The following NCOA2 variants were observed in gnomAD, a reference collection of about 807,000 sequenced individuals.
NCOA2 encodes nuclear receptor coactivator 2.
Under a neutral mutation model 145.1 loss-of-function variants are expected in NCOA2, and 21 were observed. The observed-to-expected ratio is 0.14, with a 90% CI of 0.10 to 0.21. The LOEUF is 0.21. Ranked by LOEUF, NCOA2 falls within the 10% of genes least tolerant of loss-of-function variation. The pLI is 1.00. For missense variants in NCOA2, 1,472 were observed against 1,837.6 expected (o/e 0.80, Z 3.64); for synonymous variants, 619 against 637.5 (o/e 0.97, Z 0.44).
At chr8:70,381,475 G>A (rs868797480) in intron 1 of NCOA2, among the ~76,000 whole-genome samples, 17 of 152,226 alleles carry the variant, frequency 1.1e-4, no homozygotes, top group African/African-American at 3.9e-4. Context: ...AGGACTCTGT[G>A]ATAAAAGTTA....
chr8:70,216,749 G>A lies in NCOA2; in HGVS notation c.-4C>T. On this transcript the variant is annotated 5_prime_UTR_variant, in exon 3 of 23. Transcript: ENST00000452400. ...TATTTTCTCCCATCCCACTCATCTT[G>A]AACACATATCAGCAACTAAAACAGA... 6.2e-7 allele frequency: 1 copy of A among 1,604,586 alleles called. No homozygotes were observed. Among genetic ancestry groups the A allele is most frequent in the African/African-American group, 1.3e-5 (1 of 74,712 alleles).
intron 1 of NCOA2, among the ~76,000 whole-genome samples, chr8:70,305,926 T>C (rs891486572): frequency 6.6e-6 from 1 of 152,178 alleles, no homozygotes; most frequent in South Asian, 2.1e-4. Flanking sequence ...CACATTTTAA[T>C]CAACTTTCTG....
chr8:70,385,337 A>C (rs1203477522), intron 1 of NCOA2, among the ~76,000 whole-genome samples: 1 of 152,248 alleles, frequency 6.6e-6, no homozygotes, highest in Non-Finnish European at 1.5e-5. Context: ...ACACTTGTTT[A>C]AGTGATGGAG....
intron 1 of NCOA2, among the ~76,000 whole-genome samples, chr8:70,375,231 C>T (rs1185084519): frequency 6.6e-6 from 1 of 152,134 alleles, no homozygotes; most frequent in Non-Finnish European, 1.5e-5. Context: ...AAATAAAGTA[C>T]TTGTGCATAT....
chr8:70,413,589 T>A, the NCOA2 span, among the ~76,000 whole-genome samples: 1 of 152,214 alleles, frequency 6.6e-6, no homozygotes, highest in Non-Finnish European at 1.5e-5. Context: ...AAAAGAACCA[T>A]CTTCAGAAGA....
chr8:70,137,300 C>T (rs540259767), intron 15 of NCOA2, among the ~76,000 whole-genome samples: 50 of 152,318 alleles, frequency 3.3e-4, no homozygotes, highest in Admixed American at 9.1e-4. Flanking sequence ...GCCTCAACCT[C>T]CCAAAGTGCT....
At chr8:70,435,424 CAAA>C in the NCOA2 span, among the ~76,000 whole-genome samples, 2 of 20,154 alleles carry the variant, frequency 9.9e-5, no homozygotes, top group South Asian at 3.1e-3. Flanking sequence ...GACTCCGTCT[CAAA>C]AAAAAAAAAA....
chr8:70,160,989 G>C (rs1812933606), intron 9 of NCOA2, among the ~76,000 whole-genome samples: 1 of 152,174 alleles, frequency 6.6e-6, no homozygotes. Flanking sequence ...GACCTTGGCT[G>C]TGATCCCTAA....
intron 1 of NCOA2, among the ~76,000 whole-genome samples, chr8:70,383,606 A>G (rs896766896): frequency 6.6e-6 from 1 of 152,058 alleles, no homozygotes; most frequent in Non-Finnish European, 1.5e-5. Context: ...CCTGGGTTCA[A>G]GCGATTCTCC....
chr8:70,173,037 T>C (rs1046796180), intron 5 of NCOA2, among the ~76,000 whole-genome samples: 6 of 152,196 alleles, frequency 3.9e-5, no homozygotes, highest in African/African-American at 9.7e-5. Flanking sequence ...AAAATTTAAA[T>C]TCAAACCATA....
intron 5 of NCOA2, among the ~76,000 whole-genome samples, chr8:70,173,448 C>T (rs1416442431): frequency 1.3e-5 from 2 of 151,968 alleles, no homozygotes; most frequent in African/African-American, 2.4e-5. Context: ...GGAAATTATC[C>T]AGTTTCTTTC....
chr8:70,257,258 T>C (rs1456020804), intron 2 of NCOA2, among the ~76,000 whole-genome samples: 3 of 152,194 alleles, frequency 2.0e-5, no homozygotes, highest in South Asian at 4.1e-4. Context: ...ACAAAGATGA[T>C]TCAGTTCCAT....
At chr8:70,366,495 C>CT (rs1464993994) in intron 1 of NCOA2, among the ~76,000 whole-genome samples, 2 of 151,134 alleles carry the variant, frequency 1.3e-5, no homozygotes, top group African/African-American at 4.9e-5. Context: ...TACTCAGGGG[C>CT]TTTCGGGGGG....
chr8:70,218,602 C>G (rs1031174552), intron 2 of NCOA2, among the ~76,000 whole-genome samples: 1 of 152,120 alleles, frequency 6.6e-6, no homozygotes, highest in Admixed American at 6.5e-5. Context: ...CAACAAAACC[C>G]TAAATTCCAG....
At chr8:70,131,718 A>T in intron 16 of NCOA2, 119 bp downstream of exon 16, 2 of 1,088,330 alleles carry the variant, frequency 1.8e-6, no homozygotes, top group South Asian at 1.7e-5. Context: ...GTTTTGAGGT[A>T]AAAAAAACAA....
chr8:70,369,861 A>ATAGTGCCTCAT, intron 1 of NCOA2, among the ~76,000 whole-genome samples: 1 of 152,116 alleles, frequency 6.6e-6, no homozygotes, highest in African/African-American at 2.4e-5. Context: ...TAAAGGCAGA[A>ATAGTGCCTCAT]TAGTGCCTCA....
the NCOA2 span, among the ~76,000 whole-genome samples, chr8:70,431,504 T>C: frequency 6.6e-6 from 1 of 152,354 alleles, no homozygotes; most frequent in East Asian, 1.9e-4. Flanking sequence ...CTTTTGCTTT[T>C]TGTAGCTCTT....
chr8:70,292,723 A>T (rs1826789434), intron 2 of NCOA2, among the ~76,000 whole-genome samples: 1 of 152,236 alleles, frequency 6.6e-6, no homozygotes, highest in Non-Finnish European at 1.5e-5. Context: ...GCCTAAGGGT[A>T]AAAGGAAGTC....
chr8:70,344,135 G>A (rs17756371), intron 1 of NCOA2, among the ~76,000 whole-genome samples: 2,008 of 152,316 alleles, frequency 0.013, 26 homozygotes, highest in Non-Finnish European at 0.017. Flanking sequence ...TAACTGGCAT[G>A]AGCACAAACA....
Sources: gnomAD v4.1 joint callset for allele counts (sites outside exome capture counted in the v4.1 genomes callset) on GRCh38, gnomAD v4.1.1 for gene constraint, MANE v1.5 for transcripts, NCBI Gene and HGNC (gene_info 2026-07-23, HGNC 2026-07-21) for gene names.